The following DDB1 variants were observed in gnomAD, a reference collection of about 807,000 sequenced individuals.
DDB1 encodes the protein damage specific DNA binding protein 1.
Under a neutral mutation model 133.1 loss-of-function variants are expected in DDB1, and 18 were observed. That is an observed-to-expected ratio of 0.14 (90% CI 0.09 to 0.20). The LOEUF (loss-of-function observed/expected upper bound fraction) is 0.20, where lower values mean the gene tolerates loss of function less well. DDB1 is among the 10% of genes least tolerant of loss of function. DDB1 has a pLI of 1.00. For missense variants in DDB1, 828 were observed against 1,459.2 expected (o/e 0.57, Z 7.05); for synonymous variants, 580 against 550.5 (o/e 1.05, Z -0.75).
In DDB1 at chr11:61,316,450, CTT is replaced by C. The variant is rs1856068071; in HGVS notation, c.1301+40_1301+41del. 3 of 1,613,834 alleles carry C rather than the reference CTT, an allele frequency of 1.9e-6. No homozygotes were observed. The Admixed American group carries it at 5.0e-5, about 27-fold the overall frequency. ...GGGACCAGCTTCCCCACCTCACAAC[CTT>C]CTCACCAGCACCTACAGCTGGCACT... On this transcript the variant is annotated intron_variant, in intron 11 of 26. Coordinates refer to ENST00000301764, the MANE Select transcript of DDB1 (RefSeq NM_001923.5).
At chr11:61,314,582 G>A (rs868323513) in intron 12 of DDB1, 96 bp from the exon 13 acceptor site, 13 of 1,229,850 alleles carry the variant, frequency 1.1e-5, no homozygotes, top group Middle Eastern at 2.8e-4. Context: ...AGAGCCCTAC[G>A]AATAAGCTAC....
At chr11:61,301,410 A>T (rs28720355) in intron 25 of DDB1, 7,048 of 152,838 alleles carry the variant, frequency 0.046, 478 homozygotes, top group African/African-American at 0.15. Context: ...AAAAAACAAA[A>T]TTTTTTTTTA....
intron 21 of DDB1, among the ~76,000 whole-genome samples, chr11:61,307,836 T>C (rs1855901568): frequency 6.6e-6 from 1 of 152,032 alleles, no homozygotes; most frequent in African/African-American, 2.4e-5. Context: ...TTCCTCTGCC[T>C]CTCACATCTC....
intron 4 of DDB1, among the ~76,000 whole-genome samples, chr11:61,329,016 T>C (rs1856318307): frequency 6.6e-6 from 1 of 152,154 alleles, no homozygotes; most frequent in Non-Finnish European, 1.5e-5. Context: ...AAGATCTAGA[T>C]AATTTCTTGA....
In DDB1 at chr11:61,325,638, G is replaced by A. The variant is rs1856257537; in HGVS notation, c.735C>T (p.Tyr245=). The A allele has an allele frequency of 1.9e-6, 3 of 1,613,834 alleles. No individual in the cohort carries two copies. Among genetic ancestry groups the A allele is most frequent in the East Asian group, 2.2e-5 (1 of 44,894 alleles). The change falls in exon 6 of 27, where the codon TAC becomes TAT. Residue 245 remains tyrosine, a synonymous_variant. Coordinates refer to ENST00000301764, the MANE Select transcript of DDB1 (RefSeq NM_001923.5). ...ESITYHNGDK[Y]LAIAPPIIKQ... Reference sequence around the variant, plus strand: ...TGATGATAGGAGGGGCAATAGCCAGGTATTTGTCACCATTGTGATAGGTGA... The same window carrying A: ...TGATGATAGGAGGGGCAATAGCCAGATATTTGTCACCATTGTGATAGGTGA...
chr11:61,305,850 G>A (rs150519708), intron 21 of DDB1, among the ~76,000 whole-genome samples: 2,106 of 152,280 alleles, frequency 0.014, 64 homozygotes, highest in African/African-American at 0.048. Flanking sequence ...CTTGAAATGT[G>A]CCTAGTCCAT....
At chr11:61,322,942 CAT>C in intron 8 of DDB1, 67 bp downstream of exon 8, 1 of 1,310,674 alleles carries the variant, frequency 7.6e-7, no homozygotes, top group South Asian at 1.3e-5. Flanking sequence ...AGGTGCCAAA[CAT>C]AGGAGAAATT....
Position 61,323,960 on chromosome 11 carries a change from C to A in DDB1, c.921+19G>T, listed in dbSNP as rs766760056. ...AACCTAAAAGAACATTGTAGAGGAACAGGGAGAACAAGCTCTACCTCTCCA... is the reference window on the plus strand; with the variant it reads ...AACCTAAAAGAACATTGTAGAGGAAAAGGGAGAACAAGCTCTACCTCTCCA... On this transcript the variant is annotated intron_variant, in intron 7 of 26. Coordinates refer to ENST00000301764, the MANE Select transcript of DDB1 (RefSeq NM_001923.5). 9 of 1,613,696 alleles carry A rather than the reference C, an allele frequency of 5.6e-6. No homozygotes were observed. The highest frequency in any genetic ancestry group is 7.6e-6 in the Non-Finnish European group (9 of 1,179,794).
intron 26 of DDB1, 25 bp from the exon 27 acceptor site, chr11:61,300,244 T>C: frequency 6.2e-7 from 1 of 1,611,460 alleles, no homozygotes. Flanking sequence ...TGGGCGGGGC[T>C]GTGAGGACCA....
At chr11:61,318,470 C>T (rs765447495) in intron 10 of DDB1, among the ~76,000 whole-genome samples, 4 of 152,122 alleles carry the variant, frequency 2.6e-5, no homozygotes, top group Non-Finnish European at 5.9e-5. Flanking sequence ...GGATTTTGGT[C>T]ATCTAGTAGA....
At chr11:61,325,862 A>C (rs550208452) in intron 5 of DDB1, 154 bp from the exon 6 acceptor site, 1 of 703,178 alleles carries the variant, frequency 1.4e-6, no homozygotes, top group South Asian at 1.5e-5. Context: ...GATAGCCTTT[A>C]CGAGACTCTT....
chr11:61,300,481 T>C (rs56062516), intron 26 of DDB1, among the ~76,000 whole-genome samples: 1 of 152,146 alleles, frequency 6.6e-6, no homozygotes, highest in African/African-American at 2.4e-5. Context: ...AACTCCAGAA[T>C]TGTGGCCATT....
intron 6 of DDB1, 102 bp from the exon 7 acceptor site, chr11:61,324,239 A>C: frequency 1.5e-6 from 2 of 1,300,528 alleles, no homozygotes; most frequent in Non-Finnish European, 2.2e-6. Flanking sequence ...CCATTTTACC[A>C]GCAGACAAAT....
chr11:61,310,472 G>A, intron 18 of DDB1, 54 bp from the exon 19 acceptor site: 1 of 1,535,416 alleles, frequency 6.5e-7, no homozygotes, highest in South Asian at 1.3e-5. Context: ...GAAGTGCTGA[G>A]ACATCATTGT....
intron 6 of DDB1, 164 bp from the exon 7 acceptor site, chr11:61,324,301 A>C (rs1856234262): frequency 1.5e-6 from 1 of 669,066 alleles, no homozygotes; most frequent in South Asian, 2.1e-5. Context: ...GCCCATTAAT[A>C]GAAAATGGGG....
At chr11:61,313,454 C>G (rs1338105593) in intron 16 of DDB1, 45 bp downstream of exon 16, 1 of 1,536,752 alleles carries the variant, frequency 6.5e-7, no homozygotes, top group South Asian at 1.1e-5. Context: ...ACATCATGAC[C>G]CCCTCAATCA....
Position 61,326,935 on chromosome 11 carries a change from A to G in DDB1, c.550-42T>C, listed in dbSNP as rs575902640. On this transcript the variant is annotated intron_variant, in intron 4 of 26. Transcript: ENST00000301764. ...AAATGGTTAGCCCTTAGGAAGGGTG[A>G]GCCTTGGGCTAGAGAGAGGTGCTGT... 10 of 1,473,386 alleles carry G rather than the reference A, an allele frequency of 6.8e-6. No individual in the cohort carries two copies. In the African/African-American group the frequency reaches 1.4e-4, roughly 20 times the overall value. The allele number at this position is 1,473,386 out of a possible 1,614,324, so 91.3% of individuals were successfully genotyped here.
rs375517104 is a variant in DDB1, at chr11:61,314,415, C to G, written c.1482G>C (p.Gln494His). The G allele has an allele frequency of 9.9e-6, 16 of 1,614,104 alleles. No individual in the cohort carries two copies. Among genetic ancestry groups the G allele is most frequent in the Middle Eastern group, 3.3e-4 (2 of 6,084 alleles). The change falls in exon 13 of 27, where the codon CAG becomes CAC. Residue 494 changes from glutamine (Q) to histidine (H), a missense_variant. Gln to His is a conservative substitution (Grantham distance 24). Coordinates refer to ENST00000301764, the MANE Select transcript of DDB1 (RefSeq NM_001923.5). ...KALVSEWKEP[Q>H]AKNISVASCN... Reference sequence around the variant, plus strand: ...AGGAGGCCACACTGATGTTCTTGGCCTGAGGCTCCTTCCATTCACTGACCA... The same window carrying G: ...AGGAGGCCACACTGATGTTCTTGGCGTGAGGCTCCTTCCATTCACTGACCA...
intron 18 of DDB1, chr11:61,311,147 G>A (rs1294873111): frequency 6.6e-6 from 1 of 152,620 alleles, no homozygotes; most frequent in Non-Finnish European, 1.5e-5. Flanking sequence ...AACTACTCAG[G>A]AGGCTGGGCC....
Sources: allele counts gnomAD v4.1 joint callset (sites outside exome capture counted in the v4.1 genomes callset), GRCh38; gene constraint gnomAD v4.1.1; transcripts MANE v1.5; gene names NCBI Gene and HGNC (gene_info 2026-07-23, HGNC 2026-07-21).